Variants in IPO11 observed in about 807,000 individuals in gnomAD.
The protein encoded by IPO11 is importin-11.
In IPO11, 66 loss-of-function variants were observed where a neutral mutation model predicts 143.2. The observed-to-expected ratio is 0.46, with a 90% CI of 0.38 to 0.57. The LOEUF (loss-of-function observed/expected upper bound fraction) is 0.57. IPO11 is among the 20% of genes least tolerant of loss of function. The probability of loss-of-function intolerance (pLI) is 0.00; values close to 1 mark genes in which losing one functional copy is unlikely to be tolerated. For synonymous variants in IPO11, 385 were observed against 377.8 expected, an observed-to-expected ratio of 1.02 and a Z score of -0.22; for missense variants, 1,026 against 1,141.0, an observed-to-expected ratio of 0.90 and a Z score of 1.45.
chr5:62,563,090 A>G (rs1743825910), intron 27 of IPO11, among the ~76,000 whole-genome samples: 1 of 152,236 alleles, frequency 6.6e-6, no homozygotes, highest in South Asian at 2.1e-4. Context: ...GGACATGCAC[A>G]AGATGAAAAG....
rs186981450 is a variant in IPO11 at position 62,592,594 on chromosome 5, T to G, written c.2678+922T>G. Among the ~76,000 whole-genome samples the G allele has an allele frequency of 2.8e-3, 420 of 152,308 alleles. 2 individuals carry two copies. The highest frequency in any genetic ancestry group is 4.4e-3 in the Non-Finnish European group (301 of 68,018). On this transcript the variant is annotated intron_variant, in intron 28 of 29. Coordinates refer to ENST00000325324, the MANE Select transcript of IPO11 (RefSeq NM_016338.5). Reference sequence around the variant, plus strand: ...GTATTAGTCCATTCTCACGCTGCTATAAAGAACTGCCTGAGACTGGGTAAT... The same window carrying G: ...GTATTAGTCCATTCTCACGCTGCTAGAAAGAACTGCCTGAGACTGGGTAAT...
At chr5:62,435,912 C>G (rs1744212928) in intron 1 of IPO11, among the ~76,000 whole-genome samples, 1 of 151,948 alleles carries the variant, frequency 6.6e-6, no homozygotes, top group African/African-American at 2.4e-5. Flanking sequence ...GCCTGTAATC[C>G]CAAATACTGG....
chr5:62,414,598 T>C (rs1194852541), intron 1 of IPO11, among the ~76,000 whole-genome samples: 3 of 152,350 alleles, frequency 2.0e-5, no homozygotes, highest in South Asian at 2.1e-4. Context: ...TCCACAGTTA[T>C]AAGCTTTGTA....
At chr5:62,495,575 G>T (rs1741104214) in intron 16 of IPO11, among the ~76,000 whole-genome samples, 1 of 152,084 alleles carries the variant, frequency 6.6e-6, no homozygotes, top group South Asian at 2.1e-4. Context: ...CCTGGGCTTA[G>T]CTGATCCTCC....
At chr5:62,612,858 C>T (rs370506768) in intron 29 of IPO11, among the ~76,000 whole-genome samples, 7 of 152,172 alleles carry the variant, frequency 4.6e-5, no homozygotes, top group Admixed American at 6.5e-5. Context: ...TTATAAGCAG[C>T]GCTTCAGTAA....
chr5:62,482,236 G>T (rs1039474134), intron 9 of IPO11, among the ~76,000 whole-genome samples: 1 of 152,116 alleles, frequency 6.6e-6, no homozygotes, highest in African/African-American at 2.4e-5. Flanking sequence ...CAAAAAACCA[G>T]CTCCTGGATT....
At chr5:62,557,912 T>C (rs958011192) in intron 26 of IPO11, among the ~76,000 whole-genome samples, 1 of 152,238 alleles carries the variant, frequency 6.6e-6, no homozygotes, top group African/African-American at 2.4e-5. Flanking sequence ...CTCAGGCTTT[T>C]ACTTTTCAGT....
chr5:62,445,545 G>C (rs1744690713), intron 3 of IPO11, among the ~76,000 whole-genome samples: 1 of 151,868 alleles, frequency 6.6e-6, no homozygotes, highest in Admixed American at 6.6e-5. Context: ...GTATTCAGTA[G>C]AAACTGTACT....
Position 62,583,903 on chromosome 5 carries a change from C to T in IPO11, c.2583-7674C>T, listed in dbSNP as rs978456785. Among the ~76,000 whole-genome samples the T allele has an allele frequency of 7.6e-4, 115 of 152,110 alleles. 1 individual carries two copies. The highest frequency in any genetic ancestry group is 9.2e-4 in the Admixed American group (14 of 15,264). On this transcript the variant is annotated intron_variant, in intron 27 of 29. Coordinates refer to ENST00000325324, the MANE Select transcript of IPO11 (RefSeq NM_016338.5). ...TCTACCATTTACTACAGGTTCTTAT[C>T]TCTACCATTTATTAAAAGTTCTTGA...
intron 29 of IPO11, among the ~76,000 whole-genome samples, chr5:62,618,488 A>C (rs970547091): frequency 6.6e-6 from 1 of 152,166 alleles, no homozygotes; most frequent in East Asian, 1.9e-4. Context: ...AAAGTACTAA[A>C]ATTGATGAAT....
intron 27 of IPO11, among the ~76,000 whole-genome samples, chr5:62,570,668 T>A (rs1160569773): frequency 6.6e-6 from 1 of 152,226 alleles, no homozygotes; most frequent in Non-Finnish European, 1.5e-5. Flanking sequence ...AGTTTCTGAA[T>A]GCTTGTTAAT....
At chr5:62,609,052 C>G (rs1745836153) in intron 29 of IPO11, among the ~76,000 whole-genome samples, 1 of 152,156 alleles carries the variant, frequency 6.6e-6, no homozygotes, top group Non-Finnish European at 1.5e-5. Context: ...TGTGATGTTG[C>G]AGCTAATGTG....
chr5:62,454,606 T>G (rs559121951), intron 5 of IPO11, among the ~76,000 whole-genome samples: 32 of 151,534 alleles, frequency 2.1e-4, no homozygotes, highest in African/African-American at 7.5e-4. Flanking sequence ...TTCTTGCTTG[T>G]TTTTTTTTGT....
intron 28 of IPO11, among the ~76,000 whole-genome samples, chr5:62,597,082 A>G (rs1196885479): frequency 6.6e-6 from 1 of 152,132 alleles, no homozygotes; most frequent in African/African-American, 2.4e-5. Flanking sequence ...TTAGTTGCTT[A>G]TATTCAGTCT....
At chr5:62,620,607 A>G (rs2112480760) in intron 29 of IPO11, among the ~76,000 whole-genome samples, 1 of 152,186 alleles carries the variant, frequency 6.6e-6, no homozygotes, top group African/African-American at 2.4e-5. Flanking sequence ...GGTAGATTTA[A>G]ATTTTTCTGG....
At position 62,504,707 on chromosome 5, in the gene IPO11, T is replaced by C; in HGVS notation, c.1624+7T>C. On this transcript the variant is annotated splice_region_variant and intron_variant, in intron 17 of 29. Transcript: ENST00000325324. Reference sequence around the variant, plus strand: ...GCTACAACTTTGAAGTTAAATATCCTTCTGAAAATTTAAAAATACTTCATT... The same window carrying C: ...GCTACAACTTTGAAGTTAAATATCCCTCTGAAAATTTAAAAATACTTCATT... 6.8e-7 allele frequency: 1 copy of C among 1,477,534 alleles called. No individual in the cohort carries two copies. The allele number at this position is 1,477,534 out of a possible 1,614,324, so 91.5% of individuals were successfully genotyped here.
chr5:62,457,876 C>T (rs931572176), intron 5 of IPO11, among the ~76,000 whole-genome samples: 5 of 152,162 alleles, frequency 3.3e-5, no homozygotes, highest in East Asian at 3.9e-4. Flanking sequence ...CGGCCGGGCG[C>T]GGTGGCTCAC....
rs778905938 is a variant in IPO11, at chr5:62,490,139, C to T, written c.1382C>T (p.Ala461Val). The T allele has an allele frequency of 3.1e-6, 5 of 1,600,512 alleles. No homozygotes were observed. Among genetic ancestry groups the T allele is most frequent in the Non-Finnish European group, 4.3e-6 (5 of 1,174,464 alleles). Reference sequence around the variant, plus strand: ...GTGTATAATGCTGTTGGATTAGCTGCTTATGAGCTCTTTGACAGTGTTGAT... The same window carrying T: ...GTGTATAATGCTGTTGGATTAGCTGTTTATGAGCTCTTTGACAGTGTTGAT... ...DAVYNAVGLA[A>V]YELFDSVDFD... The change falls in exon 15 of 30, where the codon GCT becomes GTT. Residue 461 changes from alanine to valine, a missense_variant. By Grantham distance (64) the Ala-to-Val change is moderately conservative. This residue lies in a region of IPO11 where 237 missense variants were observed against 288.0 expected (regional missense o/e 0.82). Coordinates refer to ENST00000325324, the MANE Select transcript of IPO11 (RefSeq NM_016338.5).
chr5:62,572,099 G>A (rs1240155854), intron 27 of IPO11, among the ~76,000 whole-genome samples: 1 of 152,150 alleles, frequency 6.6e-6, no homozygotes, highest in East Asian at 1.9e-4. Context: ...TGTCTTCTCT[G>A]CCAGGCTATT....
Sources: gnomAD v4.1 joint callset for allele counts (sites outside exome capture counted in the v4.1 genomes callset) on GRCh38, gnomAD v4.1.1 for gene constraint, gnomAD v4.1.1 regional missense constraint, MANE v1.5 for transcripts, NCBI Gene and HGNC (gene_info 2026-07-23, HGNC 2026-07-21) for gene names.